Variants in CCDC149 observed in about 807,000 individuals in gnomAD.
CCDC149 encodes coiled-coil domain-containing protein 149.
In CCDC149, 45 loss-of-function variants were observed where a neutral mutation model predicts 59.9. That is an observed-to-expected ratio of 0.75 (90% CI 0.59 to 0.96). CCDC149 has a LOEUF of 0.96. Ranked by LOEUF, CCDC149 falls within the 40% of genes least tolerant of loss-of-function variation. The pLI is 0.00. For synonymous variants in CCDC149, 245 were observed against 260.6 expected (o/e 0.94, Z 0.58); for missense variants, 584 against 664.7 (o/e 0.88, Z 1.33).
chr4:24,957,540 A>G (rs192323690), intron 1 of CCDC149, among the ~76,000 whole-genome samples: 3 of 152,310 alleles, frequency 2.0e-5, no homozygotes, highest in South Asian at 2.1e-4. Flanking sequence ...CTGGTTGTCT[A>G]TTTTCCATGG....
chr4:24,825,981 A>G (rs1420944206), intron 9 of CCDC149, among the ~76,000 whole-genome samples: 1 of 152,052 alleles, frequency 6.6e-6, no homozygotes, highest in Admixed American at 6.6e-5. Context: ...TAAGAGACGT[A>G]GTCTTACTCT....
chr4:24,944,393 C>G lies in CCDC149; in HGVS notation c.-65+35676G>C, dbSNP rs1328814440. Among the ~76,000 whole-genome samples, 13 of 144,844 alleles carry G rather than the reference C, an allele frequency of 9.0e-5. No individual in the cohort carries two copies. The South Asian group carries it at 1.6e-3, about 18-fold the overall frequency. The stretch of plus-strand genomic sequence containing the variant: ...GAAGGGGAACATCACACACTGGGAA[C>G]TGTTGTGGGGTGGGGGGATGGGGGA... On this transcript the variant is annotated intron_variant, in intron 1 of 12. Transcript: ENST00000389609.
At chr4:24,889,451 C>T (rs764520203) in intron 1 of CCDC149, among the ~76,000 whole-genome samples, 5 of 152,180 alleles carry the variant, frequency 3.3e-5, no homozygotes, top group African/African-American at 9.7e-5. Flanking sequence ...GCTGCCGGTA[C>T]GCCTTGCAGT....
At chr4:24,852,305 C>T (rs1385540303) in intron 4 of CCDC149, among the ~76,000 whole-genome samples, 1 of 151,174 alleles carries the variant, frequency 6.6e-6, no homozygotes, top group Non-Finnish European at 1.5e-5. Context: ...CACACACACA[C>T]ACACACACAC....
intron 1 of CCDC149, among the ~76,000 whole-genome samples, chr4:24,976,433 C>A (rs1021854999): frequency 2.0e-5 from 3 of 152,148 alleles, no homozygotes; most frequent in African/African-American, 7.2e-5. Context: ...TGTCATCAGG[C>A]TGGGTGCGGT....
chr4:24,950,578 C>T (rs1040614690), intron 1 of CCDC149, among the ~76,000 whole-genome samples: 1 of 152,164 alleles, frequency 6.6e-6, no homozygotes, highest in Non-Finnish European at 1.5e-5. Context: ...TAAATCTAAA[C>T]CCTGCCATGA....
intron 8 of CCDC149, among the ~76,000 whole-genome samples, chr4:24,833,684 A>G (rs1389377181): frequency 1.3e-5 from 2 of 152,216 alleles, no homozygotes; most frequent in Non-Finnish European, 1.5e-5. Flanking sequence ...ATGTAGAATT[A>G]TTTAACTACT....
At chr4:24,856,469 G>A (rs73248501) in intron 3 of CCDC149, among the ~76,000 whole-genome samples, 11,436 of 152,298 alleles carry the variant, frequency 0.075, 443 homozygotes, top group Middle Eastern at 0.095. Flanking sequence ...AGAAAGGGCC[G>A]CAGAAGGTTT....
At chr4:24,911,135 G>A (rs1289972590) in intron 1 of CCDC149, among the ~76,000 whole-genome samples, 1 of 152,136 alleles carries the variant, frequency 6.6e-6, no homozygotes, top group Non-Finnish European at 1.5e-5. Flanking sequence ...AGAGCTCTGT[G>A]TATAGGCCCT....
chr4:24,969,113 T>C (rs79936042), intron 1 of CCDC149, among the ~76,000 whole-genome samples: 2,860 of 152,326 alleles, frequency 0.019, 89 homozygotes, highest in African/African-American at 0.065. Flanking sequence ...TCCCTGCCCA[T>C]GCAAGACATT....
chr4:24,961,945 C>A (rs917371819), intron 1 of CCDC149, among the ~76,000 whole-genome samples: 21 of 151,670 alleles, frequency 1.4e-4, no homozygotes, highest in African/African-American at 5.1e-4. Context: ...GCAACAAAAG[C>A]CAAAATTGAC....
downstream of CCDC149, among the ~76,000 whole-genome samples, chr4:24,805,757 C>T (rs189745038): frequency 6.6e-5 from 10 of 152,318 alleles, no homozygotes; most frequent in Non-Finnish European, 1.3e-4. Context: ...CTGGGTTTCT[C>T]GCTCTTGAAA....
chr4:24,970,653 A>C (rs924964791), intron 1 of CCDC149, among the ~76,000 whole-genome samples: 13 of 151,996 alleles, frequency 8.6e-5, no homozygotes, highest in African/African-American at 2.4e-4. Flanking sequence ...GCCCTAATGG[A>C]TTTTGTGCCC....
At chr4:24,924,385 C>T (rs546207932) in intron 1 of CCDC149, among the ~76,000 whole-genome samples, 1 of 152,286 alleles carries the variant, frequency 6.6e-6, no homozygotes, top group African/African-American at 2.4e-5. Context: ...TGAAACGTCA[C>T]GTTATGTTCA....
intron 10 of CCDC149, 42 bp downstream of exon 10, chr4:24,822,455 A>AG: frequency 1.7e-6 from 1 of 579,718 alleles, no homozygotes. Flanking sequence ...TAAAAAAAAG[A>AG]AAAAAAAAAA....
chr4:24,938,438 T>G (rs56375714), intron 1 of CCDC149, among the ~76,000 whole-genome samples: 16,087 of 152,184 alleles, frequency 0.11, 1,004 homozygotes, highest in African/African-American at 0.17. Flanking sequence ...GATAGCCGAA[T>G]AGGAACAGCT....
At chr4:24,978,446 G>A (rs1420294995) in intron 1 of CCDC149, among the ~76,000 whole-genome samples, 1 of 152,138 alleles carries the variant, frequency 6.6e-6, no homozygotes, top group African/African-American at 2.4e-5. Context: ...GTTGCATGTG[G>A]TGGTTTGCAT....
chr4:24,912,705 G>T, intron 1 of CCDC149, 112 bp downstream of exon 1: 1 of 717,636 alleles, frequency 1.4e-6, no homozygotes, highest in Non-Finnish European at 1.8e-6. Context: ...CGGCCACTTG[G>T]AGTGCGCGCC....
chr4:24,816,137 G>C (rs1320789669), intron 12 of CCDC149, among the ~76,000 whole-genome samples: 3 of 151,804 alleles, frequency 2.0e-5, no homozygotes, highest in African/African-American at 7.3e-5. Context: ...TCCCAGGCTG[G>C]AGTGCAGTGC....
Sources: gnomAD v4.1 joint callset for allele counts (sites outside exome capture counted in the v4.1 genomes callset) on GRCh38, gnomAD v4.1.1 for gene constraint, MANE v1.5 for transcripts, NCBI Gene and HGNC (gene_info 2026-07-23, HGNC 2026-07-21) for gene names.